Variants in UBAP2 observed in about 807,000 individuals in gnomAD.
UBAP2 encodes ubiquitin-associated protein 2.
In UBAP2, 75 loss-of-function variants were observed where a neutral mutation model predicts 139.6. That is an observed-to-expected ratio of 0.54 (90% confidence interval 0.45 to 0.65). The LOEUF (loss-of-function observed/expected upper bound fraction) is 0.65. Among genes scored for constraint, UBAP2 ranks in the 30% least tolerant of loss-of-function variants. The pLI is 0.00. For missense variants in UBAP2, 1,368 were observed against 1,369.6 expected (o/e 1.00, Z 0.02); for synonymous variants, 526 against 526.2 (o/e 1.00, Z 0.01).
intron 1 of UBAP2, among the ~76,000 whole-genome samples, chr9:34,020,923 A>C (rs960878943): frequency 5.9e-5 from 9 of 152,020 alleles, no homozygotes; most frequent in Non-Finnish European, 1.3e-4. Context: ...CGGCCTCCCA[A>C]AGTGGTGGGA....
At chr9:33,943,878 A>C (rs1205491952) in intron 14 of UBAP2, among the ~76,000 whole-genome samples, 1 of 152,048 alleles carries the variant, frequency 6.6e-6, no homozygotes, top group Non-Finnish European at 1.5e-5. Flanking sequence ...ACCAGCCTGG[A>C]CAACACGGCG....
At chr9:34,048,555 T>A (rs1388056682) in intron 1 of UBAP2, among the ~76,000 whole-genome samples, 1 of 151,298 alleles carries the variant, frequency 6.6e-6, no homozygotes, top group Non-Finnish European at 1.5e-5. Flanking sequence ...GAGGCACCCC[T>A]GGGGCTGGGT....
intron 1 of UBAP2, among the ~76,000 whole-genome samples, chr9:34,021,282 C>T (rs946433605): frequency 6.6e-6 from 1 of 152,198 alleles, no homozygotes; most frequent in Non-Finnish European, 1.5e-5. Context: ...AGGCCACAGA[C>T]ATATTATTGT....
chr9:33,928,434 T>C (rs1012053392), intron 19 of UBAP2: 3 of 155,890 alleles, frequency 1.9e-5, no homozygotes, highest in Admixed American at 1.3e-4. Context: ...CCAGCGTAAG[T>C]CTCAATCTTT....
chr9:33,929,011 G>C (rs1162422816), intron 19 of UBAP2, among the ~76,000 whole-genome samples: 1 of 152,166 alleles, frequency 6.6e-6, no homozygotes, highest in African/African-American at 2.4e-5. Flanking sequence ...CCAAAAACAT[G>C]GTTTCCTGGG....
At chr9:34,014,424 T>C (rs1276693741) in intron 2 of UBAP2, among the ~76,000 whole-genome samples, 3 of 150,344 alleles carry the variant, frequency 2.0e-5, no homozygotes, top group African/African-American at 7.3e-5. Context: ...GGCTCAGGTG[T>C]TGGAGACCAG....
At chr9:34,011,378 T>C (rs1345514638) in intron 2 of UBAP2, among the ~76,000 whole-genome samples, 1 of 152,134 alleles carries the variant, frequency 6.6e-6, no homozygotes, top group African/African-American at 2.4e-5. Context: ...ATCTTTTTTA[T>C]TCATAAAAGG....
In UBAP2 at chr9:33,931,409, T is replaced by G. The variant is rs866210746; in HGVS notation, c.2175+1153A>C. Among the ~76,000 whole-genome samples the G allele has an allele frequency of 2.1e-4, 31 of 150,628 alleles. 1 individual carries two copies. Among genetic ancestry groups the G allele is most frequent in the South Asian group, 6.5e-4 (3 of 4,634 alleles). On this transcript the variant is annotated intron_variant, in intron 19 of 28. Transcript: ENST00000379238. ...CAGGCTGGAATACATGGTCTGGAGG[T>G]TTTTTTTTGAGGAGATGGAGAGTGC...
chr9:34,043,706 C>T (rs964272108), intron 1 of UBAP2, among the ~76,000 whole-genome samples: 2 of 152,002 alleles, frequency 1.3e-5, no homozygotes, highest in East Asian at 1.9e-4. Flanking sequence ...ATATTGCCCA[C>T]GCTGGTCTCG....
chr9:34,045,385 A>T (rs80121097), intron 1 of UBAP2, among the ~76,000 whole-genome samples: 45 of 151,100 alleles, frequency 3.0e-4, no homozygotes, highest in Middle Eastern at 3.4e-3. Context: ...TAAAAAAAAA[A>T]TTTTTTTTTG....
chr9:34,019,398 CG>C (rs1824697090), intron 1 of UBAP2, among the ~76,000 whole-genome samples: 1 of 151,756 alleles, frequency 6.6e-6, no homozygotes, highest in Non-Finnish European at 1.5e-5. Flanking sequence ...GCAAAACTCT[CG>C]GGGCAAGGGG....
chr9:33,952,339 T>C (rs1826171733), intron 12 of UBAP2, among the ~76,000 whole-genome samples: 1 of 152,208 alleles, frequency 6.6e-6, no homozygotes, highest in South Asian at 2.1e-4. Flanking sequence ...TCCATAAGCC[T>C]ATCTTCACAG....
rs1265851559 is a variant in UBAP2 at position 33,933,650 on chromosome 9, T to G, written c.1970-22A>C. On this transcript the variant is annotated intron_variant, in intron 17 of 28. Transcript: ENST00000379238. The stretch of plus-strand genomic sequence containing the variant: ...GGAGCTGGAACAGATGAAGTAGCTG[T>G]AAGAAGCAGATCTGTTTATTTCTAA... The G allele has an allele frequency of 1.1e-5, 17 of 1,612,424 alleles. No individual in the cohort carries two copies. In the Middle Eastern group the frequency reaches 4.9e-4, roughly 47 times the overall value.
At chr9:34,013,249 G>T (rs1365400721) in intron 2 of UBAP2, among the ~76,000 whole-genome samples, 1 of 151,824 alleles carries the variant, frequency 6.6e-6, no homozygotes, top group Non-Finnish European at 1.5e-5. Context: ...GGTTTATACG[G>T]ATTCAAAAGA....
intron 13 of UBAP2, among the ~76,000 whole-genome samples, chr9:33,947,668 C>CA (rs535970128): frequency 1.3e-5 from 2 of 151,456 alleles, no homozygotes; most frequent in Admixed American, 6.6e-5. Context: ...TAAAAAAATA[C>CA]AAAAAAATCA....
chr9:33,932,476 A>T (rs1210585719), intron 19 of UBAP2, 86 bp downstream of exon 19: 9 of 1,510,888 alleles, frequency 6.0e-6, no homozygotes, highest in Non-Finnish European at 8.2e-6. Flanking sequence ...AGACACTAAA[A>T]ATCAGACTGA....
At chr9:34,017,753 C>T (rs1014472997) in intron 1 of UBAP2, among the ~76,000 whole-genome samples, 1 of 152,014 alleles carries the variant, frequency 6.6e-6, no homozygotes, top group African/African-American at 2.4e-5. Context: ...AATGAAACCC[C>T]GTCTCTACTA....
At chr9:33,940,279 C>T (rs1825090698) in intron 16 of UBAP2, among the ~76,000 whole-genome samples, 1 of 152,032 alleles carries the variant, frequency 6.6e-6, no homozygotes, top group African/African-American at 2.4e-5. Flanking sequence ...TAAGATGCTG[C>T]AAATGTGTGT....
chr9:33,973,090 T>A, intron 7 of UBAP2, 93 bp downstream of exon 7: 16 of 1,087,726 alleles, frequency 1.5e-5, no homozygotes, highest in Non-Finnish European at 2.2e-5. Flanking sequence ...AGATTCACCA[T>A]GATGACTAAA....
Sources: allele counts gnomAD v4.1 joint callset (sites outside exome capture counted in the v4.1 genomes callset), GRCh38; gene constraint gnomAD v4.1.1; transcripts MANE v1.5; gene names NCBI Gene and HGNC (gene_info 2026-07-23, HGNC 2026-07-21).